CAMKMT: variants seen among roughly 807,000 people sequenced by gnomAD.
The protein encoded by CAMKMT is CaM KMT.
Under a neutral mutation model 48.0 loss-of-function variants are expected in CAMKMT, and 53 were observed. The ratio of observed to expected loss-of-function variants is 1.10; its 90% CI spans 0.89 to 1.39. CAMKMT has a LOEUF of 1.39. Among genes scored for constraint, CAMKMT ranks in the 40% most tolerant of loss-of-function variants. The pLI, the probability that CAMKMT is intolerant of heterozygous loss-of-function variation, is 0.00. For missense variants in CAMKMT, 428 were observed against 402.7 expected, an observed-to-expected ratio of 1.06 and a Z score of -0.54; for synonymous variants, 165 against 152.3, an observed-to-expected ratio of 1.08 and a Z score of -0.61.
chr2:44,397,454 A>T (rs569730798), intron 3 of CAMKMT, among the ~76,000 whole-genome samples: 6 of 152,202 alleles, frequency 3.9e-5, no homozygotes, highest in Non-Finnish European at 7.3e-5. Flanking sequence ...CGTAATGTAC[A>T]TGTAGTCTTT....
At chr2:44,402,324 G>A (rs1572773251) in intron 3 of CAMKMT, among the ~76,000 whole-genome samples, 1 of 51,420 alleles carries the variant, frequency 1.9e-5, no homozygotes, top group South Asian at 9.0e-4. Flanking sequence ...GCAAGACTCT[G>A]TCTAAAAAAA....
intron 3 of CAMKMT, among the ~76,000 whole-genome samples, chr2:44,484,254 G>T (rs1048825396): frequency 3.3e-5 from 5 of 151,518 alleles, no homozygotes; most frequent in Non-Finnish European, 7.4e-5. Flanking sequence ...AAAATGTAAA[G>T]AACCAATAAT....
intron 3 of CAMKMT, among the ~76,000 whole-genome samples, chr2:44,601,910 T>A (rs1671015084): frequency 2.0e-5 from 3 of 152,108 alleles, no homozygotes. Flanking sequence ...GTCCTTTGAT[T>A]GTTTTTTCTC....
intron 3 of CAMKMT, among the ~76,000 whole-genome samples, chr2:44,542,371 A>C (rs767566804): frequency 1.3e-5 from 2 of 152,140 alleles, no homozygotes; most frequent in African/African-American, 4.8e-5. Context: ...ACTTACTGAG[A>C]TATTTCCATG....
chr2:44,375,583 T>A (rs1168228933), intron 2 of CAMKMT, among the ~76,000 whole-genome samples: 1 of 152,118 alleles, frequency 6.6e-6, no homozygotes, highest in Admixed American at 6.5e-5. Flanking sequence ...TGGAAATGAT[T>A]TTTAAAAAAA....
chr2:44,474,446 CAAAAAAAAAAA>C (rs1222971931), intron 3 of CAMKMT, among the ~76,000 whole-genome samples: 1 of 58,032 alleles, frequency 1.7e-5, no homozygotes. Flanking sequence ...GACTCCGTCT[CAAAAAAAAAAA>C]AAAAAAGAAA....
At chr2:44,508,088 TTAATG>T (rs1294046234) in intron 3 of CAMKMT, among the ~76,000 whole-genome samples, 2 of 152,182 alleles carry the variant, frequency 1.3e-5, no homozygotes, top group African/African-American at 4.8e-5. Flanking sequence ...TCTAAGTACT[TTAATG>T]TAATGACCTT....
intron 3 of CAMKMT, among the ~76,000 whole-genome samples, chr2:44,670,218 G>C (rs1226879849): frequency 6.6e-6 from 1 of 152,136 alleles, no homozygotes; most frequent in Non-Finnish European, 1.5e-5. Flanking sequence ...TGAACTATAA[G>C]AAATTGCTTA....
chr2:44,495,650 G>A (rs1572648146), intron 3 of CAMKMT, among the ~76,000 whole-genome samples: 2 of 152,132 alleles, frequency 1.3e-5, no homozygotes, highest in South Asian at 4.1e-4. Context: ...GATGTCAATT[G>A]GAAGCAATTC....
At chr2:44,610,019 G>C (rs77284812) in intron 3 of CAMKMT, among the ~76,000 whole-genome samples, 123 of 152,158 alleles carry the variant, frequency 8.1e-4, no homozygotes, top group African/African-American at 2.8e-3. Flanking sequence ...GGCATTGACT[G>C]TCAAGAAAAT....
In CAMKMT at chr2:44,602,382, A is replaced by G. The variant is rs72882945; in HGVS notation, c.377-101901A>G. Among the ~76,000 whole-genome samples the G allele has an allele frequency of 9.1e-3, 1,390 of 152,176 alleles. 22 individuals are homozygous for G. The highest frequency in any genetic ancestry group is 0.026 in the African/African-American group (1,087 of 41,460). On this transcript the variant is annotated intron_variant, in intron 3 of 10. Transcript: ENST00000378494. ...TATTCTATAGTGTGAATGCACCATA[A>G]TTTACTCAACCTGTTTTCCAACATT... is the stretch of plus-strand genomic sequence containing the variant.
intron 7 of CAMKMT, among the ~76,000 whole-genome samples, chr2:44,719,460 T>C (rs957431838): frequency 1.3e-5 from 2 of 152,180 alleles, no homozygotes; most frequent in African/African-American, 4.8e-5. Flanking sequence ...GTAAACAAGA[T>C]GGAAAAGGCC....
intron 3 of CAMKMT, among the ~76,000 whole-genome samples, chr2:44,593,186 G>A (rs1033454486): frequency 6.6e-6 from 1 of 152,156 alleles, no homozygotes; most frequent in Non-Finnish European, 1.5e-5. Context: ...AAACTCTTTT[G>A]TGTACTCAAC....
intron 3 of CAMKMT, among the ~76,000 whole-genome samples, chr2:44,522,830 C>A (rs529840034): frequency 2.0e-5 from 3 of 152,152 alleles, no homozygotes; most frequent in Non-Finnish European, 4.4e-5. Flanking sequence ...TCTTTCTCCT[C>A]TGACATTTTA....
chr2:44,367,764 T>A (rs188403606), intron 1 of CAMKMT, among the ~76,000 whole-genome samples: 1 of 152,330 alleles, frequency 6.6e-6, no homozygotes, highest in East Asian at 1.9e-4. Flanking sequence ...ATGTTTAAGA[T>A]CAGAACTGTT....
At chr2:44,742,645 A>T (rs1214310417) in intron 7 of CAMKMT, among the ~76,000 whole-genome samples, 1 of 152,148 alleles carries the variant, frequency 6.6e-6, no homozygotes, top group Non-Finnish European at 1.5e-5. Context: ...TACCTTGAGA[A>T]ATTTACTGGC....
intron 3 of CAMKMT, among the ~76,000 whole-genome samples, chr2:44,494,872 G>A (rs1396578853): frequency 6.6e-6 from 1 of 152,200 alleles, no homozygotes; most frequent in Non-Finnish European, 1.5e-5. Context: ...TGAAGCTCAA[G>A]TAATCAGAGC....
intron 3 of CAMKMT, among the ~76,000 whole-genome samples, chr2:44,630,074 C>G (rs1195008877): frequency 1.3e-5 from 2 of 151,076 alleles, no homozygotes; most frequent in Non-Finnish European, 3.0e-5. Context: ...CAGAACAGAG[C>G]CCTCAGAAAT....
chr2:44,750,663 C>T (rs17032566), intron 8 of CAMKMT, among the ~76,000 whole-genome samples: 3,611 of 152,234 alleles, frequency 0.024, 119 homozygotes, highest in African/African-American at 0.082. Context: ...CAGGAATCAA[C>T]GTTTTCGTCT....
Sources: gnomAD v4.1 joint callset for allele counts (sites outside exome capture counted in the v4.1 genomes callset) on GRCh38, gnomAD v4.1.1 for gene constraint, MANE v1.5 for transcripts, NCBI Gene and HGNC (gene_info 2026-07-23, HGNC 2026-07-21) for gene names.